QSER1: variants seen among roughly 807,000 people sequenced by gnomAD.
QSER1 encodes the protein glutamine and serine-rich protein 1.
QSER1 carries 49 observed loss-of-function variants against 158.5 expected under a neutral mutation model. That is an observed-to-expected ratio of 0.31 (90% CI 0.25 to 0.39). The LOEUF (loss-of-function observed/expected upper bound fraction) is 0.39. Among genes scored for constraint, QSER1 ranks in the 10% least tolerant of loss-of-function variants. The probability of loss-of-function intolerance (pLI) is 1.00; values close to 1 mark genes in which losing one functional copy is unlikely to be tolerated. For synonymous variants in QSER1, 650 were observed against 715.5 expected (o/e 0.91, Z 1.46); for missense variants, 1,754 against 2,010.3 (o/e 0.87, Z 2.44).
In QSER1 at chr11:32,918,144, T is replaced by C. The variant is rs534467474; in HGVS notation, c.210-9013T>C. Reference sequence around the variant, plus strand: ...TTATTGAGCTCTAACTTGAAGCTGATTTCTCTTCCGAAACTGTACATGGGT... The same window carrying C: ...TTATTGAGCTCTAACTTGAAGCTGACTTCTCTTCCGAAACTGTACATGGGT... On this transcript the variant is annotated intron_variant, in intron 1 of 12. Transcript: ENST00000650167. Among the ~76,000 whole-genome samples the C allele has an allele frequency of 2.6e-5, 4 of 152,248 alleles. No homozygotes were observed. The East Asian group carries it at 7.7e-4, about 29-fold the overall frequency.
Position 32,893,784 on chromosome 11 carries a change from G to C in QSER1, c.209+450G>C, listed in dbSNP as rs1004609828. Among the ~76,000 whole-genome samples, 4 of 152,198 alleles carry C rather than the reference G, an allele frequency of 2.6e-5. No individual in the cohort carries two copies. The highest frequency in any genetic ancestry group is 2.0e-4 in the Admixed American group (3 of 15,292). ...TCCGGCGTGTGAGGGTTGCGGAGGC[G>C]GGAGAGGAAGAGTCGCGGAACCGCG... is the stretch of plus-strand genomic sequence containing the variant. On this transcript the variant is annotated intron_variant, in intron 1 of 12. Coordinates refer to ENST00000650167, the MANE Select transcript of QSER1 (RefSeq NM_001076786.3). This position sits in a 1 kb window ranked among gnomAD's most constrained non-coding sequence, Gnocchi z 4.7.
Position 32,892,843 on chromosome 11 carries a change from G to GGCCGCCGCCGCCGCCGCCGCCGCCGCC in QSER1, c.-264_-263insCCGCCGCCGCCGCCGCCGCCGCCGCCG, listed in dbSNP as rs562526200. 2.8e-5 allele frequency among the ~76,000 whole-genome samples: 4 copies of GGCCGCCGCCGCCGCCGCCGCCGCCGCC among 144,782 alleles called. No individual in the cohort carries two copies. Among genetic ancestry groups the GGCCGCCGCCGCCGCCGCCGCCGCCGCC allele is most frequent in the Admixed American group, 6.8e-5 (1 of 14,746 alleles). 95.0% of individuals were successfully genotyped at this position (144,782 alleles called of 152,430 possible). On this transcript the variant is annotated 5_prime_UTR_variant, in exon 1 of 13. Coordinates refer to ENST00000650167, the MANE Select transcript of QSER1 (RefSeq NM_001076786.3). Reference sequence around the variant, plus strand: ...GAAATCCACCAACATGGGGCGCAGCGGCCGCCGCCGCCGCCGCCGTCGCCG... The same window carrying GGCCGCCGCCGCCGCCGCCGCCGCCGCC: ...GAAATCCACCAACATGGGGCGCAGCGGCCGCCGCCGCCGCCGCCGCCGCCGCCGCCGCCGCCGCCGCCGCCGTCGCCG...
At chr11:32,945,803 A>G (rs1418601182) in intron 4 of QSER1, among the ~76,000 whole-genome samples, 4 of 151,998 alleles carry the variant, frequency 2.6e-5, no homozygotes, top group Middle Eastern at 3.4e-3. Context: ...GATTGGGGAA[A>G]TTCTCCTGGA....
At chr11:32,913,006 T>C (rs148340094) in intron 1 of QSER1, among the ~76,000 whole-genome samples, 77 of 152,182 alleles carry the variant, frequency 5.1e-4, no homozygotes, top group African/African-American at 1.5e-3. Context: ...GTATATAATA[T>C]TCCATAGTTT....
chr11:32,966,237 A>G, intron 8 of QSER1, 63 bp from the exon 9 acceptor site: 1 of 1,551,864 alleles, frequency 6.4e-7, no homozygotes. Flanking sequence ...CTCGTTATAG[A>G]GAAAAGTGTT....
intron 1 of QSER1, among the ~76,000 whole-genome samples, chr11:32,922,036 C>G (rs925726335): frequency 6.6e-6 from 1 of 152,080 alleles, no homozygotes; most frequent in African/African-American, 2.4e-5. Context: ...CTGGAACCAT[C>G]GCACATTGAA....
Position 32,956,127 on chromosome 11 carries a change from T to A in QSER1, c.4751+6T>A. ...AAACCTTCACAAACTATCAGGTATT[T>A]GTTTTCTTAGGTGATATATTTGTGC... On this transcript the variant is annotated splice_donor_region_variant and intron_variant, in intron 7 of 12. Transcript: ENST00000650167. 1 of 1,607,148 alleles carries A rather than the reference T, an allele frequency of 6.2e-7. No individual in the cohort carries two copies. Among genetic ancestry groups the A allele is most frequent in the Non-Finnish European group, 8.5e-7 (1 of 1,175,452 alleles).
intron 1 of QSER1, among the ~76,000 whole-genome samples, chr11:32,922,779 C>T (rs368779964): frequency 3.0e-4 from 46 of 152,070 alleles, no homozygotes; most frequent in African/African-American, 1.0e-3. Flanking sequence ...GCCACCATGC[C>T]CGGCCTATTT....
At chr11:32,923,873 CA>C (rs1217694945) in intron 1 of QSER1, among the ~76,000 whole-genome samples, 7 of 152,090 alleles carry the variant, frequency 4.6e-5, no homozygotes, top group Non-Finnish European at 1.0e-4. Flanking sequence ...GAGGCTGAGG[CA>C]GGGGAATCGC....
intron 1 of QSER1, among the ~76,000 whole-genome samples, chr11:32,895,934 G>A (rs1851548966): frequency 6.6e-6 from 1 of 152,168 alleles, no homozygotes; most frequent in Non-Finnish European, 1.5e-5. Context: ...GGAAACTCCA[G>A]CATTATACCT....
intron 10 of QSER1, among the ~76,000 whole-genome samples, chr11:32,972,807 CT>C (rs1852892964): frequency 6.6e-6 from 1 of 152,134 alleles, no homozygotes; most frequent in South Asian, 2.1e-4. Context: ...CCATCATGCT[CT>C]GTTTTAGGAT....
rs1478593415 is a variant in QSER1, at chr11:32,934,321, G to T, written c.3063G>T (p.Gln1021His). Residue 1021 changes from glutamine to histidine, a missense_variant, in exon 4 of 13, where the codon CAG (glutamine) becomes CAT (histidine). By Grantham distance (24) the Gln-to-His change is conservative. This residue lies in a region of QSER1 where 1,707 missense variants were observed against 1,919.6 expected (regional missense o/e 0.89). Coordinates refer to ENST00000650167, the MANE Select transcript of QSER1 (RefSeq NM_001076786.3). ...GTGATTCTAAATCTCATTTTCAGCA[G>T]TCATTAGATGTCAGGCATGTGACTT... ...EDGDSKSHFQ[Q>H]SLDVRHVTSD... 6.2e-7 allele frequency: 1 copy of T among 1,613,980 alleles called. No homozygotes were observed. Among genetic ancestry groups the T allele is most frequent in the East Asian group, 2.2e-5 (1 of 44,884 alleles).
chr11:32,947,507 A>T (rs138675546), intron 4 of QSER1, among the ~76,000 whole-genome samples: 2 of 152,330 alleles, frequency 1.3e-5, no homozygotes, highest in Admixed American at 1.3e-4. Flanking sequence ...GATAAATGAC[A>T]TGTATGGAAT....
intron 4 of QSER1, among the ~76,000 whole-genome samples, chr11:32,941,802 G>A (rs1272393272): frequency 3.9e-5 from 6 of 151,994 alleles, no homozygotes; most frequent in African/African-American, 1.2e-4. Context: ...CTGAGCAATC[G>A]CCACACTGAC....
At chr11:32,963,379 G>A (rs1217101208) in intron 8 of QSER1, among the ~76,000 whole-genome samples, 3 of 151,640 alleles carry the variant, frequency 2.0e-5, no homozygotes, top group East Asian at 1.9e-4. Flanking sequence ...TGTTTGAGAC[G>A]GAGTCTCGCA....
At chr11:32,942,791 G>T (rs1356535159) in intron 4 of QSER1, among the ~76,000 whole-genome samples, 1 of 151,628 alleles carries the variant, frequency 6.6e-6, no homozygotes, top group Non-Finnish European at 1.5e-5. Flanking sequence ...TAGCTTGATG[G>T]GGATGGCATT....
chr11:32,903,723 T>A (rs1304529975), intron 1 of QSER1, among the ~76,000 whole-genome samples: 1 of 152,084 alleles, frequency 6.6e-6, no homozygotes, highest in Admixed American at 6.6e-5. Context: ...GCAATTCTCC[T>A]GGCTCAGCCT....
intron 1 of QSER1, among the ~76,000 whole-genome samples, chr11:32,896,836 A>C (rs977300531): frequency 6.6e-6 from 1 of 152,206 alleles, no homozygotes; most frequent in African/African-American, 2.4e-5. Context: ...AAAACCTGTC[A>C]GTTTCTATAT....
chr11:32,975,495 G>T, intron 12 of QSER1, 152 bp downstream of exon 12: 1 of 1,491,240 alleles, frequency 6.7e-7, no homozygotes, highest in Admixed American at 2.0e-5. Flanking sequence ...TTGATTTATT[G>T]TTCTGAGTCT....
Sources: allele counts gnomAD v4.1 joint callset (sites outside exome capture counted in the v4.1 genomes callset), GRCh38; gene constraint gnomAD v4.1.1; regional missense constraint gnomAD v4.1.1; non-coding constraint Gnocchi (gnomAD v3.1); transcripts MANE v1.5; gene names NCBI Gene and HGNC (gene_info 2026-07-23, HGNC 2026-07-21).